TBC1D1: variants seen among roughly 807,000 people sequenced by gnomAD.
TBC1D1 encodes TBC1 (tre-2/USP6, BUB2, cdc16) domain family, member 1.
Under a neutral mutation model 125.6 loss-of-function variants are expected in TBC1D1, and 89 were observed. That is an observed-to-expected ratio of 0.71 (90% confidence interval 0.60 to 0.85). The LOEUF is 0.85. Among genes scored for constraint, TBC1D1 ranks in the 40% least tolerant of loss-of-function variants. The pLI is 0.00. For missense variants in TBC1D1, 1,377 were observed against 1,469.2 expected (o/e 0.94, Z 1.03); for synonymous variants, 565 against 564.1 (o/e 1.00, Z -0.02).
chr4:38,076,048 A>G (rs1489983819), intron 12 of TBC1D1, among the ~76,000 whole-genome samples: 1 of 152,174 alleles, frequency 6.6e-6, no homozygotes, highest in Non-Finnish European at 1.5e-5. Context: ...TAAGTCCTGT[A>G]TTAGTCCGTT....
chr4:38,044,255 A>G (rs1748977151), intron 8 of TBC1D1, 107 bp from the exon 9 acceptor site: 2 of 1,258,996 alleles, frequency 1.6e-6, no homozygotes, highest in African/African-American at 3.0e-5. Flanking sequence ...CACAGACAGG[A>G]TCAGAATGAT....
At chr4:38,089,809 T>C in intron 12 of TBC1D1, 123 bp from the exon 15 acceptor site, 1 of 1,073,222 alleles carries the variant, frequency 9.3e-7, no homozygotes, top group South Asian at 1.9e-5. Context: ...ACACAGGAAT[T>C]TTAAATTTGG....
At chr4:38,026,958 C>T (rs141518540) in intron 6 of TBC1D1, among the ~76,000 whole-genome samples, 5 of 152,260 alleles carry the variant, frequency 3.3e-5, no homozygotes, top group African/African-American at 1.2e-4. Flanking sequence ...ACCTGGTATG[C>T]AAGAGAAATG....
At chr4:38,105,224 A>G (rs905150391) in intron 15 of TBC1D1, among the ~76,000 whole-genome samples, 1 of 152,038 alleles carries the variant, frequency 6.6e-6, no homozygotes, top group Non-Finnish European at 1.5e-5. Flanking sequence ...TTATCTGCTT[A>G]TTATCATCAC....
intron 2 of TBC1D1, among the ~76,000 whole-genome samples, chr4:38,013,662 A>G (rs957042794): frequency 1.3e-5 from 2 of 152,226 alleles, no homozygotes; most frequent in Non-Finnish European, 2.9e-5. Flanking sequence ...CTTTATGTCT[A>G]TGCTGCTTTG....
At chr4:38,067,632 C>T (rs574653253) in intron 12 of TBC1D1, among the ~76,000 whole-genome samples, 1 of 152,308 alleles carries the variant, frequency 6.6e-6, no homozygotes, top group South Asian at 2.1e-4. Flanking sequence ...GTGTTTCTGC[C>T]TGGCACTGCT....
At chr4:38,041,250 G>A (rs966507598) in intron 8 of TBC1D1, among the ~76,000 whole-genome samples, 1 of 152,224 alleles carries the variant, frequency 6.6e-6, no homozygotes, top group Non-Finnish European at 1.5e-5. Flanking sequence ...CCTAACAGCA[G>A]TAGAATGAGG....
chr4:38,015,123 TA>T, intron 3 of TBC1D1, 150 bp downstream of exon 3: 1 of 718,994 alleles, frequency 1.4e-6, no homozygotes. Flanking sequence ...ATTCTTAGGA[TA>T]AGCTCCTTCC....
At chr4:38,109,599 A>G (rs865836984) in intron 15 of TBC1D1, among the ~76,000 whole-genome samples, 10 of 152,174 alleles carry the variant, frequency 6.6e-5, no homozygotes, top group African/African-American at 1.9e-4. Context: ...GTCACTGGTC[A>G]TGGAGTTGGG....
At chr4:38,033,101 A>G (rs73241066) in intron 7 of TBC1D1, among the ~76,000 whole-genome samples, 3,920 of 152,322 alleles carry the variant, frequency 0.026, 58 homozygotes, top group Non-Finnish European at 0.04. Flanking sequence ...CTGTGGTAGT[A>G]TACTGTTCCC....
At chr4:38,103,476 C>T (rs1475081196) in intron 15 of TBC1D1, among the ~76,000 whole-genome samples, 1 of 152,156 alleles carries the variant, frequency 6.6e-6, no homozygotes, top group East Asian at 1.9e-4. Flanking sequence ...ACCGAAGGAA[C>T]ATCCTGGAAA....
chr4:38,087,512 G>C (rs557361732), intron 12 of TBC1D1, among the ~76,000 whole-genome samples: 2 of 152,282 alleles, frequency 1.3e-5, no homozygotes, highest in African/African-American at 4.8e-5. Context: ...AGGAGTTTAG[G>C]TGAGGTGAGC....
chr4:38,072,168 C>T (rs1368780541), intron 12 of TBC1D1, among the ~76,000 whole-genome samples: 1 of 152,208 alleles, frequency 6.6e-6, no homozygotes, highest in African/African-American at 2.4e-5. Context: ...GGCACAAGTG[C>T]AAGCCCTCAG....
chr4:37,974,852 C>T (rs1732746351), intron 2 of TBC1D1, among the ~76,000 whole-genome samples: 1 of 152,240 alleles, frequency 6.6e-6, no homozygotes, highest in South Asian at 2.1e-4. Context: ...AGCCACCACG[C>T]CCAGCCTCTC....
intron 8 of TBC1D1, among the ~76,000 whole-genome samples, 160 bp downstream of exon 8, chr4:38,035,858 T>C (rs981968758): frequency 6.6e-6 from 1 of 152,172 alleles, no homozygotes; most frequent in African/African-American, 2.4e-5. Context: ...TGTTAGACTA[T>C]GTATGCTTGA....
intron 12 of TBC1D1, among the ~76,000 whole-genome samples, chr4:38,063,314 C>T (rs1205660468): frequency 6.6e-6 from 1 of 152,062 alleles, no homozygotes; most frequent in African/African-American, 2.4e-5. Flanking sequence ...CCTGAACTTC[C>T]AGGACCTTGA....
At chr4:38,094,593 G>A (rs2152544731) in intron 13 of TBC1D1, among the ~76,000 whole-genome samples, 1 of 152,292 alleles carries the variant, frequency 6.6e-6, no homozygotes, top group East Asian at 1.9e-4. Context: ...GGAAACAGCA[G>A]GATGTTTGTG....
Position 38,125,088 on chromosome 4 carries a change from TACCCAACC to T in TBC1D1, c.3090_3097del (p.Pro1031TrpfsTer14). ...ATAGTTGACTTTATAAAAAGCACGC[TACCCAACC>T]TTGGCTTGGTACAGATGGAAAAGAC... On this transcript the variant is annotated frameshift_variant, in exon 18 of 20. Transcript: ENST00000261439. LOFTEE classifies it high-confidence loss of function. 1 of 1,614,130 alleles carries T rather than the reference TACCCAACC, an allele frequency of 6.2e-7. No individual in the cohort carries two copies. The highest frequency in any genetic ancestry group is 8.5e-7 in the Non-Finnish European group (1 of 1,180,006).
intron 2 of TBC1D1, among the ~76,000 whole-genome samples, chr4:37,983,822 A>G (rs1734885933): frequency 6.6e-6 from 1 of 152,240 alleles, no homozygotes; most frequent in African/African-American, 2.4e-5. Context: ...ACAGGTTTGG[A>G]CAAATGTATA....
Sources: gnomAD v4.1 joint callset for allele counts (sites outside exome capture counted in the v4.1 genomes callset) on GRCh38, gnomAD v4.1.1 for gene constraint, MANE v1.5 for transcripts, NCBI Gene and HGNC (gene_info 2026-07-23, HGNC 2026-07-21) for gene names.